Variants in BCAS3 observed in about 807,000 individuals in gnomAD.
The protein encoded by BCAS3 is BCAS3 microtubule associated cell migration factor.
A neutral mutation model predicts 116.1 loss-of-function variants in BCAS3; 53 were observed. The ratio of observed to expected loss-of-function variants is 0.46; its 90% CI spans 0.37 to 0.57. The LOEUF is 0.57. Ranked by LOEUF, BCAS3 falls within the 20% of genes least tolerant of loss-of-function variation. BCAS3 has a pLI of 0.00. For missense variants in BCAS3, 917 were observed against 1,165.4 expected, an observed-to-expected ratio of 0.79 and a Z score of 3.10; for synonymous variants, 391 against 408.2, an observed-to-expected ratio of 0.96 and a Z score of 0.51.
At chr17:60,765,473 A>G (rs1048878837) in intron 6 of BCAS3, among the ~76,000 whole-genome samples, 8 of 152,148 alleles carry the variant, frequency 5.3e-5, no homozygotes, top group Non-Finnish European at 8.8e-5. Flanking sequence ...TGGATATGAA[A>G]TTCTGGGTTG....
intron 4 of BCAS3, among the ~76,000 whole-genome samples, chr17:60,704,878 T>C (rs2036909761): frequency 1.3e-5 from 2 of 151,606 alleles, no homozygotes; most frequent in South Asian, 4.2e-4. Flanking sequence ...ACAGTGCCCA[T>C]GGCCACCAGA....
At chr17:60,813,331 A>G (rs1407801979) in intron 7 of BCAS3, among the ~76,000 whole-genome samples, 1 of 151,798 alleles carries the variant, frequency 6.6e-6, no homozygotes, top group Non-Finnish European at 1.5e-5. Context: ...TGTTAGGAGC[A>G]ATTAAGCAAT....
intron 18 of BCAS3, among the ~76,000 whole-genome samples, chr17:61,039,642 T>C (rs1197078525): frequency 2.0e-5 from 3 of 152,098 alleles, no homozygotes; most frequent in Non-Finnish European, 4.4e-5. Context: ...AGGATGGTCT[T>C]GATCTCCTGA....
intron 9 of BCAS3, among the ~76,000 whole-genome samples, chr17:60,888,007 A>G (rs1389171597): frequency 6.6e-6 from 1 of 152,316 alleles, no homozygotes; most frequent in East Asian, 1.9e-4. Flanking sequence ...ATAGAGATTC[A>G]TGTCCCCCCA....
At chr17:60,868,768 A>C (rs1331108954) in intron 8 of BCAS3, 85 bp downstream of exon 8, 3 of 698,338 alleles carry the variant, frequency 4.3e-6, no homozygotes, top group Non-Finnish European at 6.8e-6. Flanking sequence ...TCAATGACTA[A>C]CTTAGATTTA....
intron 7 of BCAS3, among the ~76,000 whole-genome samples, chr17:60,863,313 G>A (rs1267297439): frequency 2.6e-5 from 4 of 151,996 alleles, no homozygotes; most frequent in Non-Finnish European, 4.4e-5. Context: ...AGCTTTATAT[G>A]TCTTATACAT....
In BCAS3 at chr17:60,735,825, C is replaced by CT. The variant is rs932002618; in HGVS notation, c.322-11365dup. Among the ~76,000 whole-genome samples the CT allele has an allele frequency of 4.7e-5, 7 of 149,064 alleles. 1 individual carries two copies. In the South Asian group the frequency reaches 1.5e-3, roughly 31 times the overall value. ...TTCCTAGTTTCTGAGGAGTTTTTTT[C>CT]TTTTTTTTCATAAATAGGTGTTGGA... On this transcript the variant is annotated intron_variant, in intron 5 of 23. Coordinates refer to ENST00000407086, the MANE Select transcript of BCAS3 (RefSeq NM_017679.5).
At chr17:60,976,306 G>A (rs898298433) in intron 14 of BCAS3, among the ~76,000 whole-genome samples, 2 of 150,836 alleles carry the variant, frequency 1.3e-5, no homozygotes, top group African/African-American at 4.9e-5. Context: ...TTACAGGCTT[G>A]AGCCACCACA....
intron 6 of BCAS3, among the ~76,000 whole-genome samples, chr17:60,805,514 C>T (rs970946071): frequency 1.3e-5 from 2 of 152,012 alleles, no homozygotes; most frequent in Admixed American, 6.6e-5. Flanking sequence ...CATGTGTGTC[C>T]GAACAGGGAA....
intron 16 of BCAS3, among the ~76,000 whole-genome samples, chr17:61,022,955 C>A (rs960994128): frequency 1.1e-4 from 16 of 152,288 alleles, no homozygotes; most frequent in South Asian, 4.1e-4. Flanking sequence ...TCTTCTAAAT[C>A]TTGAGTTTAT....
chr17:61,183,333 G>A (rs1457864948), intron 22 of BCAS3, among the ~76,000 whole-genome samples: 1 of 151,996 alleles, frequency 6.6e-6, no homozygotes, highest in Non-Finnish European at 1.5e-5. Flanking sequence ...AGACAAACAT[G>A]TTTTGAACTC....
chr17:61,022,204 G>T (rs774391310), intron 16 of BCAS3, among the ~76,000 whole-genome samples: 24 of 151,914 alleles, frequency 1.6e-4, no homozygotes, highest in Non-Finnish European at 3.2e-4. Context: ...AATTTTTTTT[G>T]GATGATGTCT....
chr17:61,322,781 T>TGAGAGAGAGAGAGAGAGAGAGA (rs1568849812), intron 22 of BCAS3, among the ~76,000 whole-genome samples: 2 of 121,272 alleles, frequency 1.6e-5, no homozygotes, highest in Admixed American at 8.7e-5. Context: ...AAGCCTCTCT[T>TGAGAGAGAGAGAGAGAGAGAGA]GAGAGAGAGA....
chr17:60,727,286 A>G (rs915155732), intron 5 of BCAS3: 20 of 1,125,732 alleles, frequency 1.8e-5, no homozygotes, highest in Non-Finnish European at 2.3e-5. Context: ...TGGCCTTAGC[A>G]CAGTCTTCTT....
chr17:61,258,707 A>G lies in BCAS3; in HGVS notation c.2426-109620A>G, dbSNP rs1396062941. 1.3e-5 allele frequency among the ~76,000 whole-genome samples: 2 copies of G among 152,258 alleles called. No homozygotes were observed. The highest frequency in any genetic ancestry group is 2.9e-5 in the Non-Finnish European group (2 of 68,046). Reference sequence around the variant, plus strand: ...TGGAGAATTTTGGATAATAAATTTTAGTAGACTCATTTGATATAACAGGGA... The same window carrying G: ...TGGAGAATTTTGGATAATAAATTTTGGTAGACTCATTTGATATAACAGGGA... On this transcript the variant is annotated intron_variant, in intron 22 of 23. Coordinates refer to ENST00000407086, the MANE Select transcript of BCAS3 (RefSeq NM_017679.5). The surrounding 1 kb of genome is among the most constrained non-coding windows in gnomAD (Gnocchi z 4.7).
intron 22 of BCAS3, among the ~76,000 whole-genome samples, chr17:61,163,804 T>G (rs940912146): frequency 6.6e-6 from 1 of 151,804 alleles, no homozygotes; most frequent in African/African-American, 2.4e-5. Context: ...TTGACCAACA[T>G]GGAGAAACCC....
At chr17:60,818,000 A>T (rs2144668992) in intron 7 of BCAS3, among the ~76,000 whole-genome samples, 1 of 152,018 alleles carries the variant, frequency 6.6e-6, no homozygotes, top group African/African-American at 2.4e-5. Context: ...TTCTACAGAC[A>T]TGCGCCACCA....
rs1367911716 is a variant in BCAS3 at position 61,337,104 on chromosome 17, C to T, written c.2426-31223C>T. Among the ~76,000 whole-genome samples the T allele has an allele frequency of 1.3e-5, 2 of 149,874 alleles. No homozygotes were observed. Among genetic ancestry groups the T allele is most frequent in the African/African-American group, 5.0e-5 (2 of 40,286 alleles). On this transcript the variant is annotated intron_variant, in intron 22 of 23. Coordinates refer to ENST00000407086, the MANE Select transcript of BCAS3 (RefSeq NM_017679.5). This position sits in a 1 kb window ranked among gnomAD's most constrained non-coding sequence, Gnocchi z 4.8. The stretch of plus-strand genomic sequence containing the variant: ...CTCCAGCCTGGGTGACAGAGCAAGA[C>T]TCCATCTCAAAAAAAAACAACAACA...
Position 61,098,757 on chromosome 17 carries a change from C to T in BCAS3, c.2425+14193C>T, listed in dbSNP as rs993662638. Among the ~76,000 whole-genome samples, 7 of 152,054 alleles carry T rather than the reference C, an allele frequency of 4.6e-5. No individual in the cohort carries two copies. The highest frequency in any genetic ancestry group is 2.6e-4 in the Admixed American group (4 of 15,262). On this transcript the variant is annotated intron_variant, in intron 22 of 23. Coordinates refer to ENST00000407086, the MANE Select transcript of BCAS3 (RefSeq NM_017679.5). The surrounding 1 kb of genome is among the most constrained non-coding windows in gnomAD (Gnocchi z 4.2). Reference sequence around the variant, plus strand: ...TCAGGATTTCTTTGCCAAATGAAAACGGTAAAAGTGGAAGCATGAAACACC... The same window carrying T: ...TCAGGATTTCTTTGCCAAATGAAAATGGTAAAAGTGGAAGCATGAAACACC...
Sources: allele counts gnomAD v4.1 joint callset (sites outside exome capture counted in the v4.1 genomes callset), GRCh38; gene constraint gnomAD v4.1.1; non-coding constraint Gnocchi (gnomAD v3.1); transcripts MANE v1.5; gene names NCBI Gene and HGNC (gene_info 2026-07-23, HGNC 2026-07-21).